The following ADGRA2 variants were observed in gnomAD, a reference collection of about 807,000 sequenced individuals.
ADGRA2 encodes G-protein coupled receptor 124.
Under a neutral mutation model 98.7 loss-of-function variants are expected in ADGRA2, and 61 were observed. That is an observed-to-expected ratio of 0.62 (90% CI 0.50 to 0.76). The LOEUF is 0.76. ADGRA2 is among the 30% of genes least tolerant of loss of function. The probability of loss-of-function intolerance (pLI) is 0.00; values close to 1 mark genes in which losing one functional copy is unlikely to be tolerated. For missense variants in ADGRA2, 1,712 were observed against 1,860.0 expected, an observed-to-expected ratio of 0.92 and a Z score of 1.46; for synonymous variants, 858 against 831.5, an observed-to-expected ratio of 1.03 and a Z score of -0.55.
chr8:37,838,580 A>G (rs1393477190), intron 14 of ADGRA2, among the ~76,000 whole-genome samples: 1 of 152,028 alleles, frequency 6.6e-6, no homozygotes, highest in East Asian at 1.9e-4. Flanking sequence ...AAGAAGAAAA[A>G]AATAATCTGG....
chr8:37,836,165 G>A (rs576162995), intron 13 of ADGRA2, among the ~76,000 whole-genome samples: 10 of 151,674 alleles, frequency 6.6e-5, no homozygotes, highest in Admixed American at 3.9e-4. Context: ...TGTCACTGGT[G>A]CTGGAAGGAA....
Position 37,841,918 on chromosome 8 carries a change from G to C in ADGRA2, c.3580G>C (p.Glu1194Gln). The change falls in exon 19 of 19, where the codon GAG (glutamate) becomes CAG (glutamine). Residue 1194 changes from glutamate to glutamine, a missense_variant. Physicochemically the swap from Glu to Gln is conservative, Grantham distance 29 (BLOSUM62 2). Transcript: ENST00000412232. This position sits in a 1 kb window ranked among gnomAD's most constrained non-coding sequence, Gnocchi z 5.0. The part of the protein sequence containing the change: ...KSRAKGHRAG[E>Q]ACGKNRLKAL... ...CCGGGCCAAGGGACACCGCGCGGGG[G>C]AGGCCTGCGGCAAGAACCGGCTCAA... 1.3e-6 allele frequency: 2 copies of C among 1,525,132 alleles called. No individual in the cohort carries two copies. Among genetic ancestry groups the C allele is most frequent in the Non-Finnish European group, 1.7e-6 (2 of 1,143,356 alleles). 94.5% of individuals were successfully genotyped at this position (1,525,132 alleles called of 1,614,324 possible). A position where few individuals can be genotyped will look rare whatever the true frequency, so the allele number is the denominator to read the frequency against.
intron 15 of ADGRA2, 148 bp from the exon 16 acceptor site, chr8:37,839,351 A>G (rs1585407956): frequency 1.3e-5 from 18 of 1,424,344 alleles, no homozygotes; most frequent in Non-Finnish European, 1.6e-5. Flanking sequence ...GGGGTTAAGG[A>G]CTCCCTACCC....
At chr8:37,818,882 C>T (rs1452942460) in intron 2 of ADGRA2, among the ~76,000 whole-genome samples, 3 of 152,074 alleles carry the variant, frequency 2.0e-5, no homozygotes, top group Non-Finnish European at 2.9e-5. Context: ...CATGCCTGGG[C>T]CTGAGACCTG....
At chr8:37,835,525 G>T (rs1294875669) in intron 12 of ADGRA2, 29 bp from the exon 13 acceptor site, 1 of 1,531,730 alleles carries the variant, frequency 6.5e-7, no homozygotes, top group Admixed American at 1.7e-5. Context: ...GGGTCCTGGT[G>T]TCTCTGAGGA....
intron 12 of ADGRA2, 76 bp from the exon 13 acceptor site, chr8:37,835,478 G>A: frequency 6.7e-7 from 1 of 1,503,500 alleles, no homozygotes. Context: ...GTGAGAGGAG[G>A]TGGGAGGAGG....
chr8:37,806,657 G>A (rs1783237134), intron 1 of ADGRA2, among the ~76,000 whole-genome samples: 1 of 151,278 alleles, frequency 6.6e-6, no homozygotes, highest in African/African-American at 2.4e-5. Flanking sequence ...AGCCTCCCTA[G>A]TAGCTGGGAC....
chr8:37,814,755 A>C lies in ADGRA2; in HGVS notation c.267-141A>C. ...CCAGCTTCTCCCTGTAATCTCCGGAAGTAGAGGGTGGGGGCTGCTGCCTCG... is the reference window on the plus strand; with the variant it reads ...CCAGCTTCTCCCTGTAATCTCCGGACGTAGAGGGTGGGGGCTGCTGCCTCG... On this transcript the variant is annotated intron_variant, in intron 1 of 18. Coordinates refer to ENST00000412232, the MANE Select transcript of ADGRA2 (RefSeq NM_032777.10). This position sits in a 1 kb window ranked among gnomAD's most constrained non-coding sequence, Gnocchi z 4.3. 1.5e-6 allele frequency: 1 copy of C among 655,494 alleles called. No individual in the cohort carries two copies. The highest frequency in any genetic ancestry group is 2.8e-6 in the Non-Finnish European group (1 of 357,616). 40.6% of individuals were successfully genotyped at this position (655,494 alleles called of 1,614,324 possible).
intron 2 of ADGRA2, among the ~76,000 whole-genome samples, chr8:37,821,272 T>C (rs1391849889): frequency 1.3e-5 from 2 of 152,172 alleles, no homozygotes; most frequent in Non-Finnish European, 2.9e-5. Flanking sequence ...TATGAGGAAT[T>C]GTTACAGGAA....
At chr8:37,831,383 CA>C in intron 7 of ADGRA2, 39 bp from the exon 8 acceptor site, 1 of 1,599,570 alleles carries the variant, frequency 6.3e-7, no homozygotes. Flanking sequence ...TGGCTGGGCC[CA>C]AGGGTGACTC....
chr8:37,842,406 G>C lies in ADGRA2; in HGVS notation c.*51G>C, dbSNP rs775618604. On this transcript the variant is annotated 3_prime_UTR_variant, in exon 19 of 19. Transcript: ENST00000412232. ...GGCTGGCCACGCGGCTCGTTCCCCC[G>C]CTCCTCGGGGCCCTCCAAGGTGTCT... 10 of 1,415,888 alleles carry C rather than the reference G, an allele frequency of 7.1e-6. No individual in the cohort carries two copies. Among genetic ancestry groups the C allele is most frequent in the Non-Finnish European group, 9.2e-6 (10 of 1,085,792 alleles). The allele number at this position is 1,415,888 out of a possible 1,614,324, so 87.7% of individuals were successfully genotyped here.
At chr8:37,801,873 C>T (rs1310602863) in intron 1 of ADGRA2, among the ~76,000 whole-genome samples, 1 of 152,248 alleles carries the variant, frequency 6.6e-6, no homozygotes, top group Non-Finnish European at 1.5e-5. Context: ...CTTTAAAAAA[C>T]CCGGTTCCTT....
chr8:37,840,132 C>T lies in ADGRA2; in HGVS notation c.2523C>T (p.Thr841=), dbSNP rs1206974603. 6 of 1,602,090 alleles carry T rather than the reference C, an allele frequency of 3.7e-6. No individual in the cohort carries two copies. The highest frequency in any genetic ancestry group is 4.2e-6 in the Non-Finnish European group (5 of 1,177,612). The change falls in exon 17 of 19, where the codon ACC becomes ACT. Residue 841 remains threonine, a synonymous_variant. Coordinates refer to ENST00000412232, the MANE Select transcript of ADGRA2 (RefSeq NM_032777.10). The part of the protein sequence containing the change: ...YQMVCQAVGI[T]LHYSSLSTLL... ...CCTTGACCCCGCAGGTGGGCATCAC[C>T]CTGCACTACTCCTCCCTATCCACGC...
chr8:37,815,550 C>G (rs1448456161), intron 2 of ADGRA2, among the ~76,000 whole-genome samples: 1 of 152,262 alleles, frequency 6.6e-6, no homozygotes, highest in African/African-American at 2.4e-5. Flanking sequence ...GCTGGAACCT[C>G]ATTCCCAGAG....
chr8:37,812,760 G>T (rs1217299088), intron 1 of ADGRA2, among the ~76,000 whole-genome samples: 1 of 151,910 alleles, frequency 6.6e-6, no homozygotes, highest in Non-Finnish European at 1.5e-5. Flanking sequence ...GAACTCCTGG[G>T]CTCAAGTGAT....
At chr8:37,825,799 G>A (rs574116538) in intron 2 of ADGRA2, among the ~76,000 whole-genome samples, 83 of 152,322 alleles carry the variant, frequency 5.4e-4, no homozygotes, top group African/African-American at 1.8e-3. Flanking sequence ...GGCAGCATCG[G>A]CTTCCCATGG....
At chr8:37,836,097 A>ACACACACCCC (rs1245868623) in intron 13 of ADGRA2, among the ~76,000 whole-genome samples, 15 of 108,636 alleles carry the variant, frequency 1.4e-4, no homozygotes, top group African/African-American at 5.5e-4. Context: ...ACACACACAC[A>ACACACACCCC]CCCCACAGGC....
chr8:37,829,134 C>A, intron 3 of ADGRA2, 127 bp from the exon 4 acceptor site: 1 of 855,638 alleles, frequency 1.2e-6, no homozygotes, highest in Non-Finnish European at 1.9e-6. Flanking sequence ...TGCGGCCTGG[C>A]CCCAACCTCA....
Position 37,841,901 on chromosome 8 carries a change from A to T in ADGRA2, c.3563A>T (p.Lys1188Met). 1 of 1,532,960 alleles carries T rather than the reference A, an allele frequency of 6.5e-7. No individual in the cohort carries two copies. The highest frequency in any genetic ancestry group is 8.7e-7 in the Non-Finnish European group (1 of 1,146,320). 95.0% of individuals were successfully genotyped at this position (1,532,960 alleles called of 1,614,324 possible). The change falls in exon 19 of 19, where the codon AAG (lysine) becomes ATG (methionine). Residue 1188 changes from lysine to methionine, a missense_variant. Physicochemically the swap from Lys to Met is moderately conservative, Grantham distance 95. Transcript: ENST00000412232. This position sits in a 1 kb window ranked among gnomAD's most constrained non-coding sequence, Gnocchi z 5.0. ...CGTCGGGCGCACAAGAGCCGGGCCA[A>T]GGGACACCGCGCGGGGGAGGCCTGC... ...HGRRAHKSRA[K>M]GHRAGEACGK...
Sources: allele counts gnomAD v4.1 joint callset (sites outside exome capture counted in the v4.1 genomes callset), GRCh38; gene constraint gnomAD v4.1.1; non-coding constraint Gnocchi (gnomAD v3.1); transcripts MANE v1.5; gene names NCBI Gene and HGNC (gene_info 2026-07-23, HGNC 2026-07-21).